The following PROSER1 variants were observed in gnomAD, a reference collection of about 807,000 sequenced individuals.
PROSER1 encodes proline and serine rich 1, also known as proline and serine-rich protein 1.
PROSER1 carries 36 observed loss-of-function variants against 71.8 expected under a neutral mutation model. The ratio of observed to expected loss-of-function variants is 0.50; its 90% CI spans 0.38 to 0.66. The LOEUF (loss-of-function observed/expected upper bound fraction) is 0.66. Among genes scored for constraint, PROSER1 ranks in the 30% least tolerant of loss-of-function variants. PROSER1 has a pLI of 0.00. For missense variants in PROSER1, 1,107 were observed against 1,135.0 expected, an observed-to-expected ratio of 0.98 and a Z score of 0.35; for synonymous variants, 490 against 452.4, an observed-to-expected ratio of 1.08 and a Z score of -1.06.
chr13:39,018,842 C>T (rs549101897), intron 9 of PROSER1, among the ~76,000 whole-genome samples: 1 of 152,044 alleles, frequency 6.6e-6, no homozygotes, highest in African/African-American at 2.4e-5. Flanking sequence ...TGAGTTTTCA[C>T]ATCAAAAGAA....
intron 2 of PROSER1, 70 bp from the exon 3 acceptor site, chr13:39,031,701 G>A (rs1307344081): frequency 4.3e-6 from 6 of 1,406,176 alleles, no homozygotes; most frequent in African/African-American, 1.4e-5. Flanking sequence ...TTCAGTACTT[G>A]AAATTATAAT....
chr13:39,015,604 G>A (rs760002972), intron 10 of PROSER1, among the ~76,000 whole-genome samples: 2 of 152,146 alleles, frequency 1.3e-5, no homozygotes, highest in Non-Finnish European at 2.9e-5. Context: ...GGAAGAAAAT[G>A]GAGGTAAACA....
rs1372252477 is a variant in PROSER1, at chr13:39,037,532, C to CT, written c.-291dup. On this transcript the variant is annotated 5_prime_UTR_variant, in exon 1 of 13. Coordinates refer to ENST00000352251, the MANE Select transcript of PROSER1 (RefSeq NM_025138.5). ...GCACCTCGGGCAAGAGCCAGGTCCTCTGAGTTTTGCAGAAAAACCCGGGCT... is the reference window on the plus strand; with the variant it reads ...GCACCTCGGGCAAGAGCCAGGTCCTCTTGAGTTTTGCAGAAAAACCCGGGCT... 12 of 303,076 alleles carry CT rather than the reference C, an allele frequency of 4.0e-5. No homozygotes were observed. The highest frequency in any genetic ancestry group is 1.9e-4 in the African/African-American group (9 of 46,190). The allele number at this position is 303,076 out of a possible 1,614,324, so 18.8% of individuals were successfully genotyped here. A position where few individuals can be genotyped will look rare whatever the true frequency, so the allele number is the denominator to read the frequency against.
Position 39,013,746 on chromosome 13 carries a change from A to C in PROSER1, c.1506T>G (p.Ser502=). 6.2e-7 allele frequency: 1 copy of C among 1,614,190 alleles called. No individual in the cohort carries two copies. Among genetic ancestry groups the C allele is most frequent in the Non-Finnish European group, 8.5e-7 (1 of 1,180,028 alleles). The change falls in exon 11 of 13, where the codon TCT becomes TCG. Residue 502 remains serine, a synonymous_variant. Transcript: ENST00000352251. ...AAGAGTCAGAGTTCTGAAGAGTAAG[A>C]GAAGATAGTGAAGCCAGCCCACTTG... ...AVTSGLASLS[S]LTLQNSDSSA...
At chr13:39,018,900 T>G (rs1870148258) in intron 9 of PROSER1, among the ~76,000 whole-genome samples, 1 of 152,112 alleles carries the variant, frequency 6.6e-6, no homozygotes, top group Admixed American at 6.5e-5. Flanking sequence ...CACCTAAACA[T>G]ACTGGTAAAA....
rs778532044 is a variant in PROSER1, at chr13:39,013,484, A to C, written c.1768T>G (p.Ser590Ala). The C allele has an allele frequency of 1.3e-5, 21 of 1,614,004 alleles. 1 individual carries two copies. The South Asian group carries it at 2.1e-4, about 16-fold the overall frequency. Residue 590 changes from serine (S) to alanine (A), a missense_variant, in exon 11 of 13, where the codon TCA becomes GCA. Physicochemically the swap from Ser to Ala is moderately conservative, Grantham distance 99 (BLOSUM62 1). Transcript: ENST00000352251. ...GGGGTAGATGAAATATGCAGATCTG[A>C]GGTACCTGGGTGGGGGCCACGCAAA... is the stretch of plus-strand genomic sequence containing the variant. ...SLLRGPHPGT[S>A]DLHISSTPAA...
rs1593525533 is a variant in PROSER1, at chr13:39,013,488, A to C, written c.1764T>G (p.Gly588=). 1 of 1,614,072 alleles carries C rather than the reference A, an allele frequency of 6.2e-7. No homozygotes were observed. The highest frequency in any genetic ancestry group is 1.3e-5 in the African/African-American group (1 of 75,024). ...TAGATGAAATATGCAGATCTGAGGT[A>C]CCTGGGTGGGGGCCACGCAAAAGGG... is the stretch of plus-strand genomic sequence containing the variant. ...SASLLRGPHP[G]TSDLHISSTP... The change falls in exon 11 of 13, where the codon GGT becomes GGG. Residue 588 remains glycine (G), a synonymous_variant. Coordinates refer to ENST00000352251, the MANE Select transcript of PROSER1 (RefSeq NM_025138.5).
Position 39,013,476 on chromosome 13 carries a change from C to G in PROSER1, c.1776G>C (p.Leu592=), listed in dbSNP as rs754683149. 1 of 1,613,954 alleles carries G rather than the reference C, an allele frequency of 6.2e-7. No homozygotes were observed. The highest frequency in any genetic ancestry group is 8.5e-7 in the Non-Finnish European group (1 of 1,180,014). Residue 592 remains leucine, a synonymous_variant, in exon 11 of 13, where the codon CTG becomes CTC. Transcript: ENST00000352251. Reference sequence around the variant, plus strand: ...TTGCAGCAGGGGTAGATGAAATATGCAGATCTGAGGTACCTGGGTGGGGGC... The same window carrying G: ...TTGCAGCAGGGGTAGATGAAATATGGAGATCTGAGGTACCTGGGTGGGGGC... The part of the protein sequence containing the change: ...LRGPHPGTSD[L]HISSTPAATT...
At position 39,013,485 on chromosome 13, in the gene PROSER1, G is replaced by A. The variant is rs747898690; in HGVS notation, c.1767C>T (p.Thr589=). ...ASLLRGPHPG[T]SDLHISSTPA... ...GGGTAGATGAAATATGCAGATCTGA[G>A]GTACCTGGGTGGGGGCCACGCAAAA... The change falls in exon 11 of 13, where the codon ACC becomes ACT. Residue 589 remains threonine (T), a synonymous_variant. Transcript: ENST00000352251. The A allele has an allele frequency of 1.1e-5, 17 of 1,613,970 alleles. No individual in the cohort carries two copies. The Admixed American group carries it at 2.8e-4, about 27-fold the overall frequency.
intron 8 of PROSER1, 116 bp downstream of exon 8, chr13:39,022,936 C>G (rs1237248118): frequency 1.3e-6 from 1 of 759,194 alleles, no homozygotes; most frequent in Non-Finnish European, 2.2e-6. Flanking sequence ...ATTAAGCTCA[C>G]AGTAGCATTT....
chr13:39,036,516 C>T (rs186332012), intron 1 of PROSER1, among the ~76,000 whole-genome samples: 2 of 152,256 alleles, frequency 1.3e-5, no homozygotes, highest in East Asian at 3.9e-4. Context: ...AAATAAGTAA[C>T]TTCTCGGTAT....
chr13:39,012,365 G>C, intron 11 of PROSER1, 132 bp from the exon 12 acceptor site: 2 of 1,000,730 alleles, frequency 2.0e-6, no homozygotes, highest in East Asian at 2.5e-5. Context: ...TCTGTTGGAA[G>C]GACCATAAAA....
At chr13:39,012,623 T>G in intron 11 of PROSER1, 68 bp downstream of exon 11, 1 of 1,248,504 alleles carries the variant, frequency 8.0e-7, no homozygotes, top group Non-Finnish European at 1.1e-6. Context: ...TTTGATGACT[T>G]GAAATGAAAT....
chr13:39,017,379 T>G (rs1870052785), intron 10 of PROSER1, 121 bp downstream of exon 10: 5 of 691,092 alleles, frequency 7.2e-6, no homozygotes, highest in Non-Finnish European at 1.2e-5. Context: ...TGAATTATAT[T>G]CTTTAACCAG....
At chr13:39,023,922 T>C (rs1263982627) in intron 7 of PROSER1, 1 of 152,944 alleles carries the variant, frequency 6.5e-6, no homozygotes, top group South Asian at 2.0e-4. Context: ...ATCTGAAGTC[T>C]TGTGCAAGAA....
chr13:39,033,497 T>A (rs1049700245), intron 2 of PROSER1, among the ~76,000 whole-genome samples: 1 of 152,222 alleles, frequency 6.6e-6, no homozygotes, highest in Non-Finnish European at 1.5e-5. Flanking sequence ...CTCCAGACAT[T>A]TCTATTAATA....
intron 10 of PROSER1, among the ~76,000 whole-genome samples, chr13:39,016,999 G>A (rs1870037849): frequency 6.6e-6 from 1 of 152,196 alleles, no homozygotes; most frequent in Admixed American, 6.5e-5. Flanking sequence ...GCCATCTGGA[G>A]GCACTATGTA....
Position 39,037,353 on chromosome 13 carries a change from G to A in PROSER1, c.-111C>T, listed in dbSNP as rs1033413105. The A allele has an allele frequency of 2.5e-6, 2 of 802,814 alleles. No homozygotes were observed. The highest frequency in any genetic ancestry group is 1.7e-5 in the African/African-American group (1 of 58,296). 49.7% of individuals were successfully genotyped at this position (802,814 alleles called of 1,614,324 possible). ...AATATTTATAGCTGAGGAGGAAAAA[G>A]ACTCCACGAGCAAGAGAGGATGCGA... On this transcript the variant is annotated 5_prime_UTR_variant, in exon 1 of 13. Coordinates refer to ENST00000352251, the MANE Select transcript of PROSER1 (RefSeq NM_025138.5).
rs757334851 is a variant in PROSER1, at chr13:39,013,601, T to C, written c.1651A>G (p.Thr551Ala). 60 of 1,612,370 alleles carry C rather than the reference T, an allele frequency of 3.7e-5. No homozygotes were observed. The South Asian group carries it at 6.0e-4, about 16-fold the overall frequency. ...GACTGTACAGGCAATGTCAGGGGAG[T>C]GGAAGTTGAGTTAGCCACGGGAGAC... is the stretch of plus-strand genomic sequence containing the variant. ...LPSPVANSTSTPLTLPVQSPL... is the reference protein window; with the variant it reads ...LPSPVANSTSAPLTLPVQSPL... Residue 551 changes from threonine to alanine, a missense_variant, in exon 11 of 13, where the codon ACT becomes GCT. Thr to Ala is a moderately conservative substitution (Grantham distance 58). Transcript: ENST00000352251.
Sources: allele counts gnomAD v4.1 joint callset (sites outside exome capture counted in the v4.1 genomes callset), GRCh38; gene constraint gnomAD v4.1.1; transcripts MANE v1.5; gene names NCBI Gene and HGNC (gene_info 2026-07-23, HGNC 2026-07-21).